ERGIC1: variants seen among roughly 807,000 people sequenced by gnomAD.
ERGIC1 encodes endoplasmic reticulum-Golgi intermediate compartment protein 1.
Under a neutral mutation model 38.3 loss-of-function variants are expected in ERGIC1, and 19 were observed. The observed-to-expected ratio is 0.50, with a 90% confidence interval of 0.35 to 0.73. The LOEUF is 0.73. Ranked by LOEUF, ERGIC1 falls within the 30% of genes least tolerant of loss-of-function variation. ERGIC1 has a pLI of 0.01. For synonymous variants in ERGIC1, 124 were observed against 157.6 expected, an observed-to-expected ratio of 0.79 and a Z score of 1.60; for missense variants, 294 against 389.2, an observed-to-expected ratio of 0.76 and a Z score of 2.06.
chr5:172,946,013 G>A (rs1461460225), intron 9 of ERGIC1, among the ~76,000 whole-genome samples: 1 of 152,182 alleles, frequency 6.6e-6, no homozygotes, highest in African/African-American at 2.4e-5. Context: ...TGAAGAAACT[G>A]AGGCCCAGAA....
At chr5:172,874,896 G>A (rs1762105785) in intron 1 of ERGIC1, among the ~76,000 whole-genome samples, 1 of 147,894 alleles carries the variant, frequency 6.8e-6, no homozygotes, top group Admixed American at 6.8e-5. Flanking sequence ...CTGCACTCCA[G>A]CCTGGGCAAG....
rs570321057 is a variant in ERGIC1 at position 172,837,718 on chromosome 5, C to T, written c.20+3285C>T. On this transcript the variant is annotated intron_variant, in intron 1 of 9. Coordinates refer to ENST00000393784, the MANE Select transcript of ERGIC1 (RefSeq NM_001031711.3). The surrounding 1 kb of genome is among the most constrained non-coding windows in gnomAD (Gnocchi z 4.3). ...TTTGGGGTTAAGGAAGGAGGCAGAACGCAGGGGAGGGAGGCTGAGCTTTCA... is the reference window on the plus strand; with the variant it reads ...TTTGGGGTTAAGGAAGGAGGCAGAATGCAGGGGAGGGAGGCTGAGCTTTCA... Among the ~76,000 whole-genome samples, 32 of 152,318 alleles carry T rather than the reference C, an allele frequency of 2.1e-4. No homozygotes were observed. Among genetic ancestry groups the T allele is most frequent in the Non-Finnish European group, 4.0e-4 (27 of 68,030 alleles).
chr5:172,865,085 C>T (rs1334008814), intron 1 of ERGIC1, among the ~76,000 whole-genome samples: 1 of 128,000 alleles, frequency 7.8e-6, no homozygotes, highest in African/African-American at 3.0e-5. Context: ...GAGACAGTCT[C>T]ACTCTGTCAC....
chr5:172,896,707 C>T (rs930351480), intron 2 of ERGIC1, among the ~76,000 whole-genome samples: 3 of 152,266 alleles, frequency 2.0e-5, no homozygotes, highest in African/African-American at 7.2e-5. Context: ...GGTTTGCAGC[C>T]TCTACTTTTG....
intron 1 of ERGIC1, among the ~76,000 whole-genome samples, chr5:172,851,964 C>G (rs1453070844): frequency 6.6e-6 from 1 of 152,114 alleles, no homozygotes; most frequent in African/African-American, 2.4e-5. Flanking sequence ...CCGAGATCGT[C>G]TTTGAGAGAT....
chr5:172,862,165 A>G (rs1347494889), intron 1 of ERGIC1, among the ~76,000 whole-genome samples: 1 of 151,206 alleles, frequency 6.6e-6, no homozygotes, highest in Admixed American at 6.6e-5. Context: ...TCATTTTTAT[A>G]TTTTTAGTAG....
At chr5:172,940,359 C>T (rs569191705) in intron 9 of ERGIC1, among the ~76,000 whole-genome samples, 6 of 152,132 alleles carry the variant, frequency 3.9e-5, no homozygotes, top group Non-Finnish European at 7.3e-5. Flanking sequence ...AACATTCCAG[C>T]GCCAAGGGAA....
intron 1 of ERGIC1, among the ~76,000 whole-genome samples, chr5:172,872,187 C>T (rs1376866541): frequency 6.6e-6 from 1 of 152,146 alleles, no homozygotes; most frequent in Non-Finnish European, 1.5e-5. Flanking sequence ...GCAGGAACCT[C>T]CACCCTTTCT....
intron 1 of ERGIC1, among the ~76,000 whole-genome samples, chr5:172,869,885 C>G (rs564679602): frequency 6.6e-6 from 1 of 152,166 alleles, no homozygotes; most frequent in Non-Finnish European, 1.5e-5. Context: ...GCAAATATTC[C>G]TATTCCCATG....
chr5:172,892,062 GTTTTTTTTTTTTTT>G (rs573472747), intron 2 of ERGIC1, among the ~76,000 whole-genome samples: 1 of 90,228 alleles, frequency 1.1e-5, no homozygotes, highest in Non-Finnish European at 2.2e-5. Context: ...TAAAGAGTAT[GTTTTTTTTTTTTTT>G]TTTTTTTTTT....
chr5:172,852,008 T>G (rs1166968188), intron 1 of ERGIC1, among the ~76,000 whole-genome samples: 1 of 152,146 alleles, frequency 6.6e-6, no homozygotes, highest in Non-Finnish European at 1.5e-5. Context: ...GACAGGCCTG[T>G]GTCTGGAAAT....
At chr5:172,938,250 A>C (rs1285357638) in intron 9 of ERGIC1, among the ~76,000 whole-genome samples, 1 of 152,174 alleles carries the variant, frequency 6.6e-6, no homozygotes, top group Non-Finnish European at 1.5e-5. Flanking sequence ...CTCCACACCC[A>C]CGATAAGCCA....
chr5:172,939,448 T>G (rs1028487730), intron 9 of ERGIC1, among the ~76,000 whole-genome samples: 2 of 152,174 alleles, frequency 1.3e-5, no homozygotes, highest in African/African-American at 4.8e-5. Context: ...TGCCACCCCC[T>G]TTGGCAGGTG....
At chr5:172,938,099 T>A (rs1042883421) in intron 9 of ERGIC1, 3 of 151,954 alleles carry the variant, frequency 2.0e-5, no homozygotes, top group Non-Finnish European at 4.4e-5. Context: ...GGGACATGGG[T>A]ACAGCTACCC....
chr5:172,887,669 C>A (rs1762456285), intron 1 of ERGIC1, among the ~76,000 whole-genome samples: 1 of 152,182 alleles, frequency 6.6e-6, no homozygotes, highest in Non-Finnish European at 1.5e-5. Flanking sequence ...CTGAATTCTC[C>A]CACTACACCA....
chr5:172,915,142 C>G (rs1049225397), intron 5 of ERGIC1: 2 of 669,062 alleles, frequency 3.0e-6, no homozygotes, highest in Non-Finnish European at 2.7e-6. Context: ...AGTCCCAGCT[C>G]TACCCCTTCT....
intron 1 of ERGIC1, among the ~76,000 whole-genome samples, chr5:172,835,329 T>G (rs1404420938): frequency 6.6e-6 from 1 of 152,168 alleles, no homozygotes; most frequent in Non-Finnish European, 1.5e-5. Context: ...ATTCTAGAAG[T>G]TAGGGGCAAA....
intron 4 of ERGIC1, among the ~76,000 whole-genome samples, chr5:172,914,234 CAA>C (rs35584191): frequency 9.8e-6 from 1 of 102,178 alleles, no homozygotes; most frequent in Non-Finnish European, 1.9e-5. Flanking sequence ...GACTCTGTCT[CAA>C]AAAAAAAAAA....
chr5:172,838,049 G>C (rs540399585), intron 1 of ERGIC1, among the ~76,000 whole-genome samples: 1 of 152,158 alleles, frequency 6.6e-6, no homozygotes, highest in African/African-American at 2.4e-5. Flanking sequence ...CGGGGGTGCC[G>C]CTGCACTGGC....
Sources: gnomAD v4.1 joint callset for allele counts (sites outside exome capture counted in the v4.1 genomes callset) on GRCh38, gnomAD v4.1.1 for gene constraint, Gnocchi (gnomAD v3.1) non-coding constraint, MANE v1.5 for transcripts, NCBI Gene and HGNC (gene_info 2026-07-23, HGNC 2026-07-21) for gene names.